The following PTPRS variants were observed in gnomAD, a reference collection of about 807,000 sequenced individuals.
PTPRS encodes the protein protein tyrosine phosphatase receptor type S.
A neutral mutation model predicts 215.3 loss-of-function variants in PTPRS; 63 were observed. The observed-to-expected ratio is 0.29, with a 90% CI of 0.24 to 0.36. The LOEUF (loss-of-function observed/expected upper bound fraction) is 0.36. PTPRS is among the 10% of genes least tolerant of loss of function. PTPRS has a pLI of 1.00. For synonymous variants in PTPRS, 1,404 were observed against 1,191.4 expected, an observed-to-expected ratio of 1.18 and a Z score of -3.68; for missense variants, 2,258 against 2,825.8, an observed-to-expected ratio of 0.80 and a Z score of 4.56.
chr19:5,210,185 C>T lies in PTPRS; in HGVS notation c.5487+284G>A, dbSNP rs2040740168. Among the ~76,000 whole-genome samples the T allele has an allele frequency of 6.6e-6, 1 of 152,202 alleles. No individual in the cohort carries two copies. Among genetic ancestry groups the T allele is most frequent in the Non-Finnish European group, 1.5e-5 (1 of 68,034 alleles). On this transcript the variant is annotated intron_variant, in intron 35 of 37. Transcript: ENST00000262963. This position sits in a 1 kb window ranked among gnomAD's most constrained non-coding sequence, Gnocchi z 4.5. Reference sequence around the variant, plus strand: ...TTCAGCCCTTTAACATCATCCTCCACAGGTGGCTGCTTCCAGAGGAAAGCC... The same window carrying T: ...TTCAGCCCTTTAACATCATCCTCCATAGGTGGCTGCTTCCAGAGGAAAGCC...
chr19:5,286,151 G>C lies in PTPRS; in HGVS notation c.-11C>G. Reference sequence around the variant, plus strand: ...CCAGGTGGGCGCCATGCTTGGCAGCGACCTCCGATCTCCGCCCTGGAGGGG... The same window carrying C: ...CCAGGTGGGCGCCATGCTTGGCAGCCACCTCCGATCTCCGCCCTGGAGGGG... On this transcript the variant is annotated 5_prime_UTR_variant, in exon 2 of 38. Coordinates refer to ENST00000262963, the MANE Select transcript of PTPRS (RefSeq NM_002850.4). 6.2e-7 allele frequency: 1 copy of C among 1,613,122 alleles called. No individual in the cohort carries two copies. Among genetic ancestry groups the C allele is most frequent in the Non-Finnish European group, 8.5e-7 (1 of 1,179,656 alleles).
At chr19:5,233,178 A>C (rs1183116923) in intron 13 of PTPRS, among the ~76,000 whole-genome samples, 1 of 141,398 alleles carries the variant, frequency 7.1e-6, no homozygotes, top group Admixed American at 6.9e-5. Context: ...GTAACAAAAT[A>C]ATCTATGTCG....
intron 9 of PTPRS, among the ~76,000 whole-genome samples, chr19:5,249,468 G>A (rs1397663656): frequency 6.6e-6 from 1 of 152,218 alleles, no homozygotes; most frequent in Admixed American, 6.5e-5. Flanking sequence ...TCAGAGAGGT[G>A]ACAAGACTAG....
intron 1 of PTPRS, among the ~76,000 whole-genome samples, chr19:5,310,989 C>T (rs759392777): frequency 6.6e-6 from 1 of 152,206 alleles, no homozygotes; most frequent in Non-Finnish European, 1.5e-5. Flanking sequence ...AAGCGATTCC[C>T]CTGCCTCAGC....
intron 9 of PTPRS, among the ~76,000 whole-genome samples, chr19:5,248,578 C>T (rs1180913522): frequency 6.6e-6 from 1 of 152,166 alleles, no homozygotes; most frequent in Non-Finnish European, 1.5e-5. Context: ...GGACAAAAAT[C>T]CTTCGGAACA....
chr19:5,268,506 G>A (rs2146468099), intron 4 of PTPRS, among the ~76,000 whole-genome samples: 1 of 151,888 alleles, frequency 6.6e-6, no homozygotes, highest in East Asian at 1.9e-4. Context: ...TGAGCCCCAG[G>A]CAAGCAGCAG....
intron 5 of PTPRS, 137 bp from the exon 6 acceptor site, chr19:5,263,109 C>G: frequency 1.3e-6 from 1 of 755,208 alleles, no homozygotes; most frequent in Non-Finnish European, 2.2e-6. Context: ...AACAACATTT[C>G]TTATGATTCC....
chr19:5,250,470 C>T lies in PTPRS; in HGVS notation c.719-4425G>A, dbSNP rs940714090. 1.1e-4 allele frequency among the ~76,000 whole-genome samples: 17 copies of T among 152,140 alleles called. 1 individual carries two copies. Among genetic ancestry groups the T allele is most frequent in the African/African-American group, 4.1e-4 (17 of 41,434 alleles). ...GCACGGTGCCCACGGGACGGAGAGG[C>T]CCCGCGGGACCCCCGCCCCCAATTA... is the stretch of plus-strand genomic sequence containing the variant. On this transcript the variant is annotated intron_variant, in intron 9 of 37. Coordinates refer to ENST00000262963, the MANE Select transcript of PTPRS (RefSeq NM_002850.4).
At position 5,324,139 on chromosome 19, in the gene PTPRS, G is replaced by T. The variant is rs559818636; in HGVS notation, c.-95+16525C>A. On this transcript the variant is annotated intron_variant, in intron 1 of 37. Coordinates refer to ENST00000262963, the MANE Select transcript of PTPRS (RefSeq NM_002850.4). ...AGCTACTCGGGAGGCTGAGGCAGGAGAATCGCTTGAACCTGAGACAGAGGC... is the reference window on the plus strand; with the variant it reads ...AGCTACTCGGGAGGCTGAGGCAGGATAATCGCTTGAACCTGAGACAGAGGC... 7.7e-5 allele frequency among the ~76,000 whole-genome samples: 11 copies of T among 143,162 alleles called. No homozygotes were observed. The South Asian group carries it at 2.4e-3, about 32-fold the overall frequency. 93.9% of individuals were successfully genotyped at this position (143,162 alleles called of 152,430 possible). A position where few individuals can be genotyped will look rare whatever the true frequency, so the allele number is the denominator to read the frequency against.
At chr19:5,227,845 A>G (rs976730338) in intron 16 of PTPRS, among the ~76,000 whole-genome samples, 4 of 152,052 alleles carry the variant, frequency 2.6e-5, no homozygotes, top group African/African-American at 7.2e-5. Flanking sequence ...CCAATGAATG[A>G]CAGCACAGAA....
chr19:5,313,017 C>A (rs1289221684), intron 1 of PTPRS, among the ~76,000 whole-genome samples: 1 of 152,184 alleles, frequency 6.6e-6, no homozygotes, highest in South Asian at 2.1e-4. Flanking sequence ...TGGGTTCAAG[C>A]GATTCTCCTG....
chr19:5,215,667 G>A, intron 26 of PTPRS, 72 bp from the exon 27 acceptor site: 1 of 1,069,846 alleles, frequency 9.3e-7, no homozygotes, highest in Non-Finnish European at 1.4e-6. Flanking sequence ...GGAGGGGGGT[G>A]ATCTACGTGT....
At chr19:5,314,808 T>TG (rs2049819840) in intron 1 of PTPRS, among the ~76,000 whole-genome samples, 1 of 152,176 alleles carries the variant, frequency 6.6e-6, no homozygotes, top group Non-Finnish European at 1.5e-5. Flanking sequence ...AGGTTATCCC[T>TG]GCTCAACAGG....
At chr19:5,279,547 C>T (rs1377011658) in intron 2 of PTPRS, among the ~76,000 whole-genome samples, 1 of 151,806 alleles carries the variant, frequency 6.6e-6, no homozygotes, top group African/African-American at 2.4e-5. Context: ...AATTTTTAAT[C>T]TTTTGCAGAG....
chr19:5,242,873 T>G (rs1056691815), intron 11 of PTPRS, among the ~76,000 whole-genome samples: 14 of 152,220 alleles, frequency 9.2e-5, no homozygotes, highest in East Asian at 1.9e-4. Context: ...TTTTAATTTT[T>G]TGTGTGTGTA....
At chr19:5,297,791 CTTTTT>C (rs373472522) in intron 1 of PTPRS, among the ~76,000 whole-genome samples, 4 of 131,364 alleles carry the variant, frequency 3.0e-5, no homozygotes, top group Non-Finnish European at 3.3e-5. Context: ...CTTTTCTTTT[CTTTTT>C]TTTTTTTTTT....
At chr19:5,213,599 C>T (rs145234818) in intron 30 of PTPRS, among the ~76,000 whole-genome samples, 28 of 152,274 alleles carry the variant, frequency 1.8e-4, no homozygotes, top group African/African-American at 6.7e-4. Flanking sequence ...GTTTAGGTCC[C>T]TGTTGTGTGC....
chr19:5,309,776 C>T (rs1373499517), intron 1 of PTPRS, among the ~76,000 whole-genome samples: 3 of 152,110 alleles, frequency 2.0e-5, no homozygotes, highest in Admixed American at 2.0e-4. Flanking sequence ...TTCTAGAATA[C>T]AACCCCTCCT....
At chr19:5,297,238 G>C (rs772386812) in intron 1 of PTPRS, among the ~76,000 whole-genome samples, 1 of 152,202 alleles carries the variant, frequency 6.6e-6, no homozygotes, top group Non-Finnish European at 1.5e-5. Flanking sequence ...CAGCTGGGAC[G>C]TTGGGGGGTA....
Sources: allele counts gnomAD v4.1 joint callset (sites outside exome capture counted in the v4.1 genomes callset), GRCh38; gene constraint gnomAD v4.1.1; non-coding constraint Gnocchi (gnomAD v3.1); transcripts MANE v1.5; gene names NCBI Gene and HGNC (gene_info 2026-07-23, HGNC 2026-07-21).